The following COL4A2 variants were observed in gnomAD, a reference collection of about 807,000 sequenced individuals.
COL4A2 encodes the protein collagen type IV alpha 2 chain.
COL4A2 carries 99 observed loss-of-function variants against 200.2 expected under a neutral mutation model. The observed-to-expected ratio is 0.49, with a 90% CI of 0.42 to 0.58. The LOEUF is 0.58. Among genes scored for constraint, COL4A2 ranks in the 20% least tolerant of loss-of-function variants. COL4A2 has a pLI of 0.00. For missense variants in COL4A2, 1,950 were observed against 2,314.1 expected, an observed-to-expected ratio of 0.84 and a Z score of 3.23; for synonymous variants, 897 against 900.6, an observed-to-expected ratio of 1.00 and a Z score of 0.07.
At chr13:110,317,266 AC>A (rs1885161198) in intron 3 of COL4A2, among the ~76,000 whole-genome samples, 1 of 151,658 alleles carries the variant, frequency 6.6e-6, no homozygotes, top group Non-Finnish European at 1.5e-5. Context: ...CACCACACTC[AC>A]ACATACACAC....
chr13:110,430,177 G>A (rs1880623163), intron 8 of COL4A2: 6 of 674,060 alleles, frequency 8.9e-6, no homozygotes, highest in South Asian at 4.1e-5. Context: ...AATACTCCAA[G>A]CCAAATTAGT....
At chr13:110,401,647 G>A (rs984946470) in intron 4 of COL4A2, among the ~76,000 whole-genome samples, 1 of 152,194 alleles carries the variant, frequency 6.6e-6, no homozygotes, top group Non-Finnish European at 1.5e-5. Context: ...CCACCTATAT[G>A]TTTAGGGGTT....
Position 110,473,069 on chromosome 13 carries a change from G to A in COL4A2, c.2344G>A (p.Gly782Arg), listed in dbSNP as rs768662646. The A allele has an allele frequency of 9.0e-5, 138 of 1,536,844 alleles. No individual in the cohort carries two copies. Among genetic ancestry groups the A allele is most frequent in the Non-Finnish European group, 1.1e-4 (130 of 1,141,846 alleles). Residue 782 changes from glycine to arginine, a missense_variant, in exon 29 of 48, where the codon GGG becomes AGG. This residue lies in a region of COL4A2 where 1,385 missense variants were observed against 1,720.5 expected (regional missense o/e 0.80). Coordinates refer to ENST00000360467, the MANE Select transcript of COL4A2 (RefSeq NM_001846.4). ...LPGEVLGAQP[G>R]PRGDAGVPGQ... is the part of the protein sequence containing the mutation. ...TGGAGAAGTCCTGGGAGCTCAGCCC[G>A]GGCCACGGGGAGATGCTGGTGTGCC...
At chr13:110,451,319 G>T (rs545882025) in intron 20 of COL4A2, among the ~76,000 whole-genome samples, 88 of 152,300 alleles carry the variant, frequency 5.8e-4, no homozygotes, top group African/African-American at 1.9e-3. Context: ...TTCAAATACA[G>T]CCCAACAAAA....
intron 3 of COL4A2, among the ~76,000 whole-genome samples, chr13:110,317,309 T>A (rs978445769): frequency 3.3e-5 from 5 of 150,484 alleles, no homozygotes; most frequent in Admixed American, 3.3e-4. Flanking sequence ...TACACATAGA[T>A]GCAAATACAC....
intron 4 of COL4A2, among the ~76,000 whole-genome samples, chr13:110,423,908 T>C (rs941092480): frequency 5.9e-5 from 9 of 152,182 alleles, no homozygotes; most frequent in Non-Finnish European, 1.3e-4. Flanking sequence ...TCCTTCCTCT[T>C]TAAAGGCTGA....
At chr13:110,398,448 C>G (rs1594191423) in intron 4 of COL4A2, among the ~76,000 whole-genome samples, 1 of 152,118 alleles carries the variant, frequency 6.6e-6, no homozygotes, top group Non-Finnish European at 1.5e-5. Context: ...CAGTTGAGGT[C>G]GGGAGTTCAA....
Position 110,307,926 on chromosome 13 carries a change from T to C in COL4A2, c.23T>C (p.Val8Ala), listed in dbSNP as rs1884839017. Residue 8 changes from valine (V) to alanine (A), a missense_variant, in exon 2 of 48, where the codon GTG (valine) becomes GCG (alanine). Val to Ala is a moderately conservative substitution (Grantham distance 64). This residue lies in a region of COL4A2 where 565 missense variants were observed against 593.5 expected (regional missense o/e 0.95). Transcript: ENST00000360467. The surrounding 1 kb of genome is among the most constrained non-coding windows in gnomAD (Gnocchi z 5.0). MGRDQRA[V>A]AGPALRRWLL... The stretch of plus-strand genomic sequence containing the variant: ...AGCATGGGGAGAGACCAGCGCGCGG[T>C]GGCCGGCCCTGCCCTACGGCGGTAA... 3 of 1,612,662 alleles carry C rather than the reference T, an allele frequency of 1.9e-6. No individual in the cohort carries two copies. Among genetic ancestry groups the C allele is most frequent in the Non-Finnish European group, 1.7e-6 (2 of 1,179,670 alleles).
intron 3 of COL4A2, 126 bp from the exon 4 acceptor site, chr13:110,357,346 C>A: frequency 7.2e-7 from 1 of 1,380,080 alleles, no homozygotes; most frequent in Non-Finnish European, 9.7e-7. Context: ...TTAAAAAAGC[C>A]TTATTGAATG....
intron 4 of COL4A2, among the ~76,000 whole-genome samples, chr13:110,358,632 G>A (rs958449531): frequency 2.4e-4 from 36 of 152,192 alleles, no homozygotes; most frequent in Admixed American, 2.0e-4. Context: ...TGGGTTATGC[G>A]CTGGGCAGAT....
At chr13:110,330,376 C>T (rs755087977) in intron 3 of COL4A2, among the ~76,000 whole-genome samples, 4 of 151,824 alleles carry the variant, frequency 2.6e-5, no homozygotes, top group South Asian at 4.2e-4. Flanking sequence ...GGTGGCGAGT[C>T]GGAATGAAGC....
intron 26 of COL4A2, 86 bp from the exon 27 acceptor site, chr13:110,466,954 G>T: frequency 6.4e-7 from 1 of 1,562,578 alleles, no homozygotes; most frequent in African/African-American, 1.4e-5. Context: ...TGCACAGCTC[G>T]TGCTTTTGCC....
chr13:110,428,628 CT>C (rs1315834808), intron 7 of COL4A2, 45 bp downstream of exon 7: 5 of 1,122,084 alleles, frequency 4.5e-6, no homozygotes, highest in Non-Finnish European at 6.2e-6. Flanking sequence ...GGGCAGACCC[CT>C]GCTAAGCCCT....
At position 110,473,138 on chromosome 13, in the gene COL4A2, C is replaced by G. The variant is rs1882546315; in HGVS notation, c.2413C>G (p.Pro805Ala). Reference protein sequence around the residue: ...LKGLPGDRGPPGFRGSQGMPG... With the variant: ...LKGLPGDRGPAGFRGSQGMPG... ...AGGCCTTCCCGGAGACAGAGGCCCC[C>G]CTGGATTCAGAGGTGAGTGCCCCAT... Residue 805 changes from proline to alanine, a missense_variant, in exon 29 of 48, where the codon CCT becomes GCT. By Grantham distance (27) the Pro-to-Ala change is conservative. Coordinates refer to ENST00000360467, the MANE Select transcript of COL4A2 (RefSeq NM_001846.4). 4.5e-6 allele frequency: 7 copies of G among 1,556,532 alleles called. No homozygotes were observed. The highest frequency in any genetic ancestry group is 6.1e-6 in the Non-Finnish European group (7 of 1,150,330).
intron 36 of COL4A2, 40 bp from the exon 37 acceptor site, chr13:110,491,193 C>T (rs374310786): frequency 2.4e-5 from 34 of 1,427,986 alleles, no homozygotes; most frequent in Non-Finnish European, 3.1e-5. Context: ...CACAGGGGCG[C>T]GGTGTCTGTT....
chr13:110,485,898 G>C, intron 34 of COL4A2, 62 bp downstream of exon 34: 1 of 1,593,954 alleles, frequency 6.3e-7, no homozygotes, highest in Non-Finnish European at 8.5e-7. Flanking sequence ...CTTGTGAATG[G>C]ACATGCTTTG....
At chr13:110,355,136 G>T (rs998116942) in intron 3 of COL4A2, among the ~76,000 whole-genome samples, 1 of 152,270 alleles carries the variant, frequency 6.6e-6, no homozygotes, top group Admixed American at 6.5e-5. Context: ...TGCATGATAA[G>T]GTTTCAATCA....
intron 3 of COL4A2, among the ~76,000 whole-genome samples, chr13:110,345,719 T>G (rs1330431429): frequency 6.6e-6 from 1 of 152,016 alleles, no homozygotes; most frequent in Admixed American, 6.6e-5. Context: ...CCATCTATAT[T>G]AGGGGTGGAG....
Position 110,462,359 on chromosome 13 carries a change from G to T in COL4A2, c.1751G>T (p.Gly584Val). Residue 584 changes from glycine to valine, a missense_variant, in exon 24 of 48, where the codon GGA (glycine) becomes GTA (valine). Gly to Val is a moderately radical substitution (Grantham distance 109). Coordinates refer to ENST00000360467, the MANE Select transcript of COL4A2 (RefSeq NM_001846.4). ...AGCCCAGGCCGCGATGGGCTCGATG[G>T]ATTCCCCGGCCTCCCAGGCCCTCCC... ...DGSPGRDGLDGFPGLPGPPGD... is the reference protein window; with the variant it reads ...DGSPGRDGLDVFPGLPGPPGD... The T allele has an allele frequency of 6.2e-7, 1 of 1,613,764 alleles. No homozygotes were observed. The highest frequency in any genetic ancestry group is 8.5e-7 in the Non-Finnish European group (1 of 1,180,038).
Sources: gnomAD v4.1 joint callset for allele counts (sites outside exome capture counted in the v4.1 genomes callset) on GRCh38, gnomAD v4.1.1 for gene constraint, gnomAD v4.1.1 regional missense constraint, Gnocchi (gnomAD v3.1) non-coding constraint, MANE v1.5 for transcripts, NCBI Gene and HGNC (gene_info 2026-07-23, HGNC 2026-07-21) for gene names.